ABI3BP: variants seen among roughly 807,000 people sequenced by gnomAD.
ABI3BP encodes target of Nesh-SH3.
ABI3BP carries 216 observed loss-of-function variants against 268.6 expected under a neutral mutation model. The observed-to-expected ratio is 0.80, with a 90% CI of 0.72 to 0.90. ABI3BP has a LOEUF of 0.90. Among genes scored for constraint, ABI3BP ranks in the 40% least tolerant of loss-of-function variants. ABI3BP has a pLI of 0.00. For synonymous variants in ABI3BP, 730 were observed against 730.0 expected (o/e 1.00, Z 0.00); for missense variants, 2,090 against 2,182.4 (o/e 0.96, Z 0.84).
intron 1 of ABI3BP, among the ~76,000 whole-genome samples, chr3:100,947,610 C>T (rs1188268807): frequency 6.6e-6 from 1 of 152,042 alleles, no homozygotes; most frequent in Non-Finnish European, 1.5e-5. Context: ...GGGAATTGTT[C>T]CTTAGACACT....
chr3:100,873,319 T>C (rs2099127943), intron 9 of ABI3BP, among the ~76,000 whole-genome samples: 1 of 152,124 alleles, frequency 6.6e-6, no homozygotes, highest in Non-Finnish European at 1.5e-5. Flanking sequence ...TAAACATCTC[T>C]ACATGGCCCT....
chr3:100,854,108 T>C lies in ABI3BP; in HGVS notation c.1286-2168A>G, dbSNP rs762063002. Among the ~76,000 whole-genome samples, 112 of 151,382 alleles carry C rather than the reference T, an allele frequency of 7.4e-4. 1 individual carries two copies. The highest frequency in any genetic ancestry group is 9.9e-4 in the Admixed American group (15 of 15,190). ...GCTCATGTCTGTAATCCAAACACTT[T>C]GGGAGGCCGAGGCGGGTAAATCCCT... On this transcript the variant is annotated intron_variant, in intron 14 of 67. Coordinates refer to ENST00000471714, the MANE Select transcript of ABI3BP (RefSeq NM_001375547.2).
At chr3:100,779,840 A>G (rs1235411745) in intron 58 of ABI3BP, among the ~76,000 whole-genome samples, 1 of 152,210 alleles carries the variant, frequency 6.6e-6, no homozygotes, top group Admixed American at 6.5e-5. Context: ...AACCACAGTG[A>G]TTCTGCAGCA....
chr3:100,826,162 A>C (rs934333369), intron 34 of ABI3BP, among the ~76,000 whole-genome samples: 1 of 152,238 alleles, frequency 6.6e-6, no homozygotes, highest in Non-Finnish European at 1.5e-5. Flanking sequence ...AGGAAAGGCC[A>C]TGTGAGGATA....
At chr3:100,832,182 A>G in intron 31 of ABI3BP, 82 bp downstream of exon 31, 1 of 1,348,870 alleles carries the variant, frequency 7.4e-7, no homozygotes, top group Non-Finnish European at 1.0e-6. Flanking sequence ...GGCACAACAC[A>G]ATAGATTATA....
At chr3:100,894,965 A>AC (rs1554077139) in intron 4 of ABI3BP, among the ~76,000 whole-genome samples, 19 of 120,878 alleles carry the variant, frequency 1.6e-4, no homozygotes, top group Admixed American at 1.2e-3. Flanking sequence ...AAAAAAAAAA[A>AC]AACAGAAAAA....
intron 50 of ABI3BP, among the ~76,000 whole-genome samples, chr3:100,805,883 A>G (rs1043444026): frequency 1.3e-5 from 2 of 152,020 alleles, no homozygotes; most frequent in African/African-American, 4.8e-5. Context: ...TTTTTTTTCC[A>G]CTTCTCAAGG....
At chr3:100,974,725 G>A (rs1029715941) in intron 1 of ABI3BP, among the ~76,000 whole-genome samples, 1 of 152,174 alleles carries the variant, frequency 6.6e-6, no homozygotes, top group African/African-American at 2.4e-5. Context: ...AGGAACTAGA[G>A]AAGGGAACTT....
intron 8 of ABI3BP, among the ~76,000 whole-genome samples, chr3:100,875,290 C>A (rs1469356451): frequency 1.3e-5 from 2 of 152,172 alleles, no homozygotes; most frequent in Non-Finnish European, 2.9e-5. Flanking sequence ...ATTCCCACTG[C>A]ACATGTGCTA....
intron 51 of ABI3BP, among the ~76,000 whole-genome samples, chr3:100,798,949 G>A (rs1578124772): frequency 6.6e-6 from 1 of 152,124 alleles, no homozygotes; most frequent in African/African-American, 2.4e-5. Flanking sequence ...AGCCCCGTTG[G>A]AGGCTACCTG....
At chr3:100,976,688 G>C (rs768083497) in intron 1 of ABI3BP, among the ~76,000 whole-genome samples, 1 of 152,150 alleles carries the variant, frequency 6.6e-6, no homozygotes, top group African/African-American at 2.4e-5. Context: ...TTCAAGATGG[G>C]GTCTAAGCTA....
rs2098121635 is a variant in ABI3BP, at chr3:100,818,545, G to A, written c.3068C>T (p.Thr1023Ile). 6 of 1,535,604 alleles carry A rather than the reference G, an allele frequency of 3.9e-6. No homozygotes were observed. The highest frequency in any genetic ancestry group is 5.2e-6 in the Non-Finnish European group (6 of 1,146,528). ...STDLEPGTLR[T>I]EAPKTMVVTT... is the part of the protein sequence containing the mutation. The stretch of plus-strand genomic sequence containing the variant: ...ATTACCCATGGTTTTTGGAGCTTCA[G>A]TTCTGAGAGTACCAGGTTCAAGATC... Residue 1023 changes from threonine to isoleucine, a missense_variant, in exon 41 of 68, where the codon ACT becomes ATT. Physicochemically the swap from Thr to Ile is moderately conservative, Grantham distance 89. Coordinates refer to ENST00000471714, the MANE Select transcript of ABI3BP (RefSeq NM_001375547.2).
intron 1 of ABI3BP, among the ~76,000 whole-genome samples, chr3:100,957,100 C>T (rs1443496468): frequency 1.3e-5 from 2 of 151,868 alleles, no homozygotes; most frequent in Non-Finnish European, 2.9e-5. Context: ...ATTCTAAGAG[C>T]CAAAAACAGG....
chr3:100,864,367 G>C (rs1329361499), intron 11 of ABI3BP: 2 of 409,306 alleles, frequency 4.9e-6, no homozygotes, highest in Non-Finnish European at 8.7e-6. Flanking sequence ...AGATTCTCTT[G>C]GGCTAAGAAA....
At chr3:100,969,722 G>A (rs990842865) in intron 1 of ABI3BP, among the ~76,000 whole-genome samples, 1 of 152,168 alleles carries the variant, frequency 6.6e-6, no homozygotes, top group African/African-American at 2.4e-5. Context: ...GACTTTTGCT[G>A]GAATAGAGTC....
intron 21 of ABI3BP, 69 bp downstream of exon 21, chr3:100,841,929 C>A: frequency 8.1e-7 from 1 of 1,238,508 alleles, no homozygotes. Flanking sequence ...AAACCCAAAG[C>A]TGAACAAAGT....
At chr3:100,927,947 C>CTT (rs200729558) in intron 1 of ABI3BP, among the ~76,000 whole-genome samples, 11 of 138,836 alleles carry the variant, frequency 7.9e-5, no homozygotes, top group South Asian at 2.3e-4. Context: ...TTTTTTGTGT[C>CTT]TTTTTTTTTT....
At chr3:100,764,037 C>A (rs1490938230) in intron 63 of ABI3BP, among the ~76,000 whole-genome samples, 1 of 152,168 alleles carries the variant, frequency 6.6e-6, no homozygotes, top group African/African-American at 2.4e-5. Flanking sequence ...GTTTCCTTTG[C>A]CTCCCATCCA....
intron 1 of ABI3BP, chr3:100,930,919 T>A (rs552744650): frequency 6.6e-6 from 1 of 152,168 alleles, no homozygotes; most frequent in Non-Finnish European, 1.5e-5. Flanking sequence ...ATATCCCTGA[T>A]GAACATAGAT....
Sources: gnomAD v4.1 joint callset for allele counts (sites outside exome capture counted in the v4.1 genomes callset) on GRCh38, gnomAD v4.1.1 for gene constraint, MANE v1.5 for transcripts, NCBI Gene and HGNC (gene_info 2026-07-23, HGNC 2026-07-21) for gene names.